CACNG4: variants seen among roughly 807,000 people sequenced by gnomAD.
The protein encoded by CACNG4 is calcium voltage-gated channel auxiliary subunit gamma 4, also known as voltage-dependent calcium channel gamma-4 subunit.
Under a neutral mutation model 22.9 loss-of-function variants are expected in CACNG4, and 8 were observed. The ratio of observed to expected loss-of-function variants is 0.35; its 90% CI spans 0.21 to 0.63. The LOEUF (loss-of-function observed/expected upper bound fraction) is 0.63, where lower values mean the gene tolerates loss of function less well. Among genes scored for constraint, CACNG4 ranks in the 30% least tolerant of loss-of-function variants. The pLI, the probability that CACNG4 is intolerant of heterozygous loss-of-function variation, is 0.72. For missense variants in CACNG4, 357 were observed against 455.4 expected (o/e 0.78, Z 1.97); for synonymous variants, 188 against 191.9 (o/e 0.98, Z 0.17).
intron 1 of CACNG4, among the ~76,000 whole-genome samples, chr17:66,997,897 A>G (rs2035385028): frequency 6.6e-6 from 1 of 152,186 alleles, no homozygotes; most frequent in African/African-American, 2.4e-5. Flanking sequence ...AATTGAGGAC[A>G]GAGGAGAAGC....
intron 1 of CACNG4, among the ~76,000 whole-genome samples, chr17:66,997,541 G>A (rs1434066497): frequency 6.6e-6 from 1 of 152,224 alleles, no homozygotes; most frequent in Non-Finnish European, 1.5e-5. Context: ...ACCAGGCAGG[G>A]TGTAGTGGCT....
intron 1 of CACNG4, among the ~76,000 whole-genome samples, chr17:66,973,515 C>A (rs193034289): frequency 3.0e-4 from 46 of 152,326 alleles, no homozygotes; most frequent in African/African-American, 1.1e-3. Context: ...TGTGGGGCTG[C>A]CTGGCTGGGG....
intron 2 of CACNG4, 140 bp from the exon 3 acceptor site, chr17:67,024,720 G>A: frequency 3.1e-6 from 3 of 966,486 alleles, no homozygotes; most frequent in Non-Finnish European, 4.3e-6. Flanking sequence ...CCCACCTCGA[G>A]TCTCCAGGTC....
intron 1 of CACNG4, among the ~76,000 whole-genome samples, chr17:66,999,576 C>T (rs933278038): frequency 5.3e-5 from 8 of 152,054 alleles, no homozygotes; most frequent in South Asian, 4.1e-4. Context: ...AGACAGCGAG[C>T]GAAGAGGGAA....
At chr17:67,007,613 G>A (rs1341411283) in intron 1 of CACNG4, among the ~76,000 whole-genome samples, 2 of 152,086 alleles carry the variant, frequency 1.3e-5, no homozygotes, top group Non-Finnish European at 2.9e-5. Flanking sequence ...GTGATGTGCT[G>A]TCGGAAACTC....
intron 1 of CACNG4, among the ~76,000 whole-genome samples, chr17:66,982,198 T>G (rs1335720459): frequency 6.6e-6 from 1 of 152,266 alleles, no homozygotes; most frequent in Non-Finnish European, 1.5e-5. Context: ...GGATTGCCGC[T>G]GCTGGCTAGG....
intron 1 of CACNG4, among the ~76,000 whole-genome samples, chr17:66,975,326 G>C (rs899272116): frequency 6.6e-6 from 1 of 152,124 alleles, no homozygotes; most frequent in Admixed American, 6.5e-5. Flanking sequence ...CCCACCATGA[G>C]TCCACATGGA....
At position 66,964,867 on chromosome 17, in the gene CACNG4, C is replaced by A; in HGVS notation, c.-45C>A. 1 of 1,122,728 alleles carries A rather than the reference C, an allele frequency of 8.9e-7. No individual in the cohort carries two copies. The highest frequency in any genetic ancestry group is 1.1e-6 in the Non-Finnish European group (1 of 903,682). 69.5% of individuals were successfully genotyped at this position (1,122,728 alleles called of 1,614,324 possible). A position where few individuals can be genotyped will look rare whatever the true frequency, so the allele number is the denominator to read the frequency against. ...GCGCGGAGGGAGGAGGGCGGGCGGG[C>A]GCGGCGGGCCGGGCCGGCGGGCGGC... is the stretch of plus-strand genomic sequence containing the variant. On this transcript the variant is annotated 5_prime_UTR_variant, in exon 1 of 4. Transcript: ENST00000262138.
intron 1 of CACNG4, among the ~76,000 whole-genome samples, chr17:66,996,321 G>A (rs1267633404): frequency 6.6e-6 from 1 of 151,522 alleles, no homozygotes; most frequent in African/African-American, 2.4e-5. Flanking sequence ...GCCTCCCCTG[G>A]CCTCCTAGAT....
intron 1 of CACNG4, among the ~76,000 whole-genome samples, chr17:67,003,653 C>T (rs988794247): frequency 6.6e-6 from 1 of 152,122 alleles, no homozygotes; most frequent in Non-Finnish European, 1.5e-5. Context: ...TCACGTGTTG[C>T]CAGTAGCACT....
chr17:66,994,762 T>C (rs1446236573), intron 1 of CACNG4, among the ~76,000 whole-genome samples: 1 of 152,146 alleles, frequency 6.6e-6, no homozygotes, highest in South Asian at 2.1e-4. Context: ...GCAACATCAA[T>C]GTCATTGCAC....
In CACNG4 at chr17:67,024,717, C is replaced by T. The variant is rs142240675; in HGVS notation, c.305-143C>T. On this transcript the variant is annotated intron_variant, in intron 2 of 3. Transcript: ENST00000262138. ...AGCCTCCCCAGGCACTGGCCCACCTCGAGTCTCCAGGTCCTGATGGGAATC... is the reference window on the plus strand; with the variant it reads ...AGCCTCCCCAGGCACTGGCCCACCTTGAGTCTCCAGGTCCTGATGGGAATC... 3.7e-4 allele frequency: 345 copies of T among 928,176 alleles called. 1 individual carries two copies. In the East Asian group the frequency reaches 7.0e-3, roughly 19 times the overall value. 57.5% of individuals were successfully genotyped at this position (928,176 alleles called of 1,614,324 possible).
At chr17:66,990,014 A>C (rs1356802126) in intron 1 of CACNG4, among the ~76,000 whole-genome samples, 1 of 152,186 alleles carries the variant, frequency 6.6e-6, no homozygotes, top group African/African-American at 2.4e-5. Flanking sequence ...AATTGACAAA[A>C]CTTAGTGGCT....
chr17:66,980,620 C>CTTTTTCT, intron 1 of CACNG4, among the ~76,000 whole-genome samples: 1 of 106,996 alleles, frequency 9.3e-6, no homozygotes, highest in East Asian at 2.8e-4. Context: ...TGTGTAAATT[C>CTTTTTCT]TTTTTTTTTT....
intron 3 of CACNG4, among the ~76,000 whole-genome samples, chr17:67,029,663 C>A (rs199676693): frequency 7.2e-5 from 10 of 139,002 alleles, no homozygotes; most frequent in East Asian, 2.4e-4. Context: ...CAAACAAAAA[C>A]AAACAAATCC....
intron 2 of CACNG4, among the ~76,000 whole-genome samples, chr17:67,022,076 C>CT (rs58541858): frequency 0.089 from 12,175 of 136,960 alleles, 1,638 homozygotes; most frequent in African/African-American, 0.29. Flanking sequence ...AGCAACTGGG[C>CT]TTTTTTTTTT....
chr17:67,004,277 G>C (rs719934), intron 1 of CACNG4, among the ~76,000 whole-genome samples: 2 of 152,056 alleles, frequency 1.3e-5, no homozygotes, highest in Admixed American at 1.3e-4. Flanking sequence ...AAAAGGAGCG[G>C]TTGGTTGGGG....
chr17:66,996,566 A>G (rs769731580), intron 1 of CACNG4, among the ~76,000 whole-genome samples: 4 of 151,952 alleles, frequency 2.6e-5, no homozygotes, highest in Admixed American at 6.6e-5. Context: ...TTTTTGGTAG[A>G]GACAGGGTTT....
intron 1 of CACNG4, among the ~76,000 whole-genome samples, chr17:66,975,422 A>T (rs1189072322): frequency 6.6e-6 from 1 of 152,204 alleles, no homozygotes; most frequent in Non-Finnish European, 1.5e-5. Flanking sequence ...GTGTCTTCAG[A>T]CAAATTGCCT....
Sources: gnomAD v4.1 joint callset for allele counts (sites outside exome capture counted in the v4.1 genomes callset) on GRCh38, gnomAD v4.1.1 for gene constraint, MANE v1.5 for transcripts, NCBI Gene and HGNC (gene_info 2026-07-23, HGNC 2026-07-21) for gene names.